SLC16A14: variants seen among roughly 807,000 people sequenced by gnomAD.
SLC16A14 encodes solute carrier family 16 member 14.
A neutral mutation model predicts 35.8 loss-of-function variants in SLC16A14; 14 were observed. The observed-to-expected ratio is 0.39, with a 90% confidence interval of 0.26 to 0.61. The LOEUF is 0.61. Ranked by LOEUF, SLC16A14 falls within the 20% of genes least tolerant of loss-of-function variation. SLC16A14 has a pLI of 0.51. For synonymous variants in SLC16A14, 248 were observed against 258.9 expected (o/e 0.96, Z 0.40); for missense variants, 533 against 655.0 (o/e 0.81, Z 2.03).
rs933177444 is a variant in SLC16A14, at chr2:230,038,258, T to C, written c.1382-727A>G. ...AGACATTCTGTAAAATACCACTATA[T>C]TTCATGAATTCTAAGACAATGATGT... On this transcript the variant is annotated intron_variant, in intron 4 of 4. Coordinates refer to ENST00000295190, the MANE Select transcript of SLC16A14 (RefSeq NM_152527.5). The surrounding 1 kb of genome is among the most constrained non-coding windows in gnomAD (Gnocchi z 4.4). Among the ~76,000 whole-genome samples the C allele has an allele frequency of 1.3e-5, 2 of 152,238 alleles. No individual in the cohort carries two copies. The highest frequency in any genetic ancestry group is 4.8e-5 in the African/African-American group (2 of 41,476).
intron 2 of SLC16A14, among the ~76,000 whole-genome samples, chr2:230,057,833 C>A (rs1186968256): frequency 6.6e-6 from 1 of 152,104 alleles, no homozygotes; most frequent in Non-Finnish European, 1.5e-5. Context: ...TTAAGACCAG[C>A]CTGGCCAACA....
At chr2:230,042,069 G>T (rs2077565003) in intron 4 of SLC16A14, among the ~76,000 whole-genome samples, 3 of 152,184 alleles carry the variant, frequency 2.0e-5, no homozygotes. Flanking sequence ...TGCAAATAAA[G>T]AAAGTCCCCT....
At chr2:230,058,221 T>G (rs1236500789) in intron 2 of SLC16A14, 5 of 151,848 alleles carry the variant, frequency 3.3e-5, no homozygotes, top group African/African-American at 9.7e-5. Context: ...ATGACAGTTT[T>G]TTTTTTTTTA....
At chr2:230,065,963 C>T (rs986231775) in intron 1 of SLC16A14, among the ~76,000 whole-genome samples, 2 of 152,098 alleles carry the variant, frequency 1.3e-5, no homozygotes, top group African/African-American at 4.8e-5. Flanking sequence ...TGACGATATG[C>T]ATGTGGCACC....
chr2:230,054,090 G>GT (rs1269134908), intron 2 of SLC16A14, among the ~76,000 whole-genome samples: 4 of 151,906 alleles, frequency 2.6e-5, no homozygotes, highest in East Asian at 3.9e-4. Flanking sequence ...CTGAGGTGGG[G>GT]GGGGAAGTTA....
At chr2:230,062,003 A>G (rs2077755716) in intron 1 of SLC16A14, among the ~76,000 whole-genome samples, 1 of 152,228 alleles carries the variant, frequency 6.6e-6, no homozygotes, top group African/African-American at 2.4e-5. Flanking sequence ...CGGCTTTCAA[A>G]GTGCTGGGAT....
At position 230,049,896 on chromosome 2, in the gene SLC16A14, T is replaced by A; in HGVS notation, c.268A>T (p.Ile90Phe). ...MGITLIVGPFIGLFINTCGCR... is the reference protein window; with the variant it reads ...MGITLIVGPFFGLFINTCGCR... Reference sequence around the variant, plus strand: ...CCACAGGTGTTAATGAACAAGCCGATGAAAGGGCCTGTCACAGAGCATTGG... The same window carrying A: ...CCACAGGTGTTAATGAACAAGCCGAAGAAAGGGCCTGTCACAGAGCATTGG... Residue 90 changes from isoleucine to phenylalanine, a missense_variant, in exon 3 of 5, where the codon ATC becomes TTC. Physicochemically the swap from Ile to Phe is conservative, Grantham distance 21. Transcript: ENST00000295190. 2 of 1,614,094 alleles carry A rather than the reference T, an allele frequency of 1.2e-6. No homozygotes were observed. Among genetic ancestry groups the A allele is most frequent in the Non-Finnish European group, 1.7e-6 (2 of 1,179,968 alleles).
In SLC16A14 at chr2:230,046,150, CA is replaced by C; in HGVS notation, c.975del (p.Phe325LeufsTer31). Reference protein sequence around the residue: ...MFVAFIFWALFAYSSFVIPFI... With the variant: ...MFVAFIFWALXAYSSFVIPFI... ...AAGGGGATGACAAAGCTGCTGTATG[CA>C]AACAAAGCCCAGAAAATAAAGGCTA... On this transcript the variant is annotated frameshift_variant, in exon 4 of 5. Transcript: ENST00000295190. LOFTEE classifies it high-confidence loss of function. The surrounding 1 kb of genome is among the most constrained non-coding windows in gnomAD (Gnocchi z 5.0). 1 of 1,613,954 alleles carries C rather than the reference CA, an allele frequency of 6.2e-7. No individual in the cohort carries two copies. The highest frequency in any genetic ancestry group is 8.5e-7 in the Non-Finnish European group (1 of 1,179,816).
At chr2:230,042,485 T>C (rs1466671975) in intron 4 of SLC16A14, among the ~76,000 whole-genome samples, 4 of 152,162 alleles carry the variant, frequency 2.6e-5, no homozygotes, top group Non-Finnish European at 4.4e-5. Flanking sequence ...CATTGAAATC[T>C]GACAGATCAA....
intron 1 of SLC16A14, among the ~76,000 whole-genome samples, chr2:230,067,878 C>A (rs1403220898): frequency 3.9e-5 from 6 of 152,162 alleles, no homozygotes; most frequent in Non-Finnish European, 8.8e-5. Context: ...GCCCTGGGTG[C>A]GGGATCGTGC....
chr2:230,045,631 G>T, intron 4 of SLC16A14, 114 bp downstream of exon 4: 1 of 1,151,702 alleles, frequency 8.7e-7, no homozygotes, highest in African/African-American at 1.5e-5. Flanking sequence ...GCAGGAATGG[G>T]AAGATAAAAG....
intron 2 of SLC16A14, chr2:230,058,335 A>C (rs1352054564): frequency 6.6e-6 from 1 of 152,124 alleles, no homozygotes; most frequent in East Asian, 1.9e-4. Context: ...AAAATGATCA[A>C]TTTTTAAAAT....
Position 230,037,513 on chromosome 2 carries a change from G to GAT in SLC16A14, c.1399_1400insAT (p.Thr467AsnfsTer17). The GAT allele has an allele frequency of 6.2e-7, 1 of 1,609,450 alleles. No individual in the cohort carries two copies. Among genetic ancestry groups the GAT allele is most frequent in the Non-Finnish European group, 8.5e-7 (1 of 1,178,680 alleles). On this transcript the variant is annotated frameshift_variant, in exon 5 of 5. Coordinates refer to ENST00000295190, the MANE Select transcript of SLC16A14 (RefSeq NM_152527.5). LOFTEE classifies it high-confidence loss of function. ...GTAGAAGGAAAAATCATATTTTTGCGTGATGTCATAGATCCACCCTACAAA... is the reference window on the plus strand; with the variant it reads ...GTAGAAGGAAAAATCATATTTTTGCGATTGATGTCATAGATCCACCCTACAAA...
In SLC16A14 at chr2:230,067,545, T is replaced by A. The variant is rs1165421173; in HGVS notation, c.-15+1010A>T. Among the ~76,000 whole-genome samples, 59 of 39,118 alleles carry A rather than the reference T, an allele frequency of 1.5e-3. 1 individual carries two copies. The highest frequency in any genetic ancestry group is 3.3e-4 in the Non-Finnish European group (5 of 15,210). 25.7% of individuals were successfully genotyped at this position (39,118 alleles called of 152,430 possible). Reference sequence around the variant, plus strand: ...CTCTCTCCCCTCTCTTCTCTCTCTCTCTCTCTCTCTCTCTCTCTCTCTCTC... The same window carrying A: ...CTCTCTCCCCTCTCTTCTCTCTCTCACTCTCTCTCTCTCTCTCTCTCTCTC... On this transcript the variant is annotated intron_variant, in intron 1 of 4. Transcript: ENST00000295190.
rs146171849 is a variant in SLC16A14, at chr2:230,045,790, T to C, written c.1336A>G (p.Ile446Val). Residue 446 changes from isoleucine to valine, a missense_variant, in exon 4 of 5, where the codon ATC becomes GTC. Coordinates refer to ENST00000295190, the MANE Select transcript of SLC16A14 (RefSeq NM_152527.5). ...EHLANAYGIIICANGISALLG... is the reference protein window; with the variant it reads ...EHLANAYGIIVCANGISALLG... ...AATGCAGAGATGCCATTAGCACAGA[T>C]GATGATGCCGTAGGCATTGGCCAGG... The C allele has an allele frequency of 3.7e-5, 59 of 1,614,070 alleles. 1 individual carries two copies. Among genetic ancestry groups the C allele is most frequent in the Non-Finnish European group, 4.2e-5 (49 of 1,180,058 alleles).
At position 230,049,821 on chromosome 2, in the gene SLC16A14, C is replaced by A. The variant is rs373977794; in HGVS notation, c.343G>T (p.Val115Leu). Residue 115 changes from valine (V) to leucine (L), a missense_variant, in exon 3 of 5, where the codon GTG becomes TTG. Coordinates refer to ENST00000295190, the MANE Select transcript of SLC16A14 (RefSeq NM_152527.5). ...IGGLVNSLGW[V>L]LSAYAANVHY... ...ACGTTTGCAGCATAGGCACTCAACA[C>A]CCAGCCCAGGGAGTTGACGAGCCCT... 4 of 1,614,088 alleles carry A rather than the reference C, an allele frequency of 2.5e-6. No homozygotes were observed. The African/African-American group carries it at 5.3e-5, about 22-fold the overall frequency.
intron 2 of SLC16A14, among the ~76,000 whole-genome samples, chr2:230,050,481 T>G (rs1249883874): frequency 6.6e-6 from 1 of 152,132 alleles, no homozygotes; most frequent in African/African-American, 2.4e-5. Flanking sequence ...TTGACTAAAA[T>G]AGAAATATTA....
Position 230,046,736 on chromosome 2 carries a change from C to T in SLC16A14, c.404-14G>A, listed in dbSNP as rs1050254434. The stretch of plus-strand genomic sequence containing the variant: ...CGCTGCCCAGGCCTGTACAGGCCGA[C>T]GGGGGGAAGAAAAGACACAGTGCAA... On this transcript the variant is annotated splice_polypyrimidine_tract_variant and intron_variant, in intron 3 of 4. Coordinates refer to ENST00000295190, the MANE Select transcript of SLC16A14 (RefSeq NM_152527.5). The surrounding 1 kb of genome is among the most constrained non-coding windows in gnomAD (Gnocchi z 5.0). 3.8e-6 allele frequency: 6 copies of T among 1,570,808 alleles called. No homozygotes were observed. Among genetic ancestry groups the T allele is most frequent in the Non-Finnish European group, 5.2e-6 (6 of 1,163,234 alleles).
Position 230,046,345 on chromosome 2 carries a change from C to A in SLC16A14, c.781G>T (p.Asp261Tyr), listed in dbSNP as rs267599249. ...TCGGGGCACTCCTGGGCTTGCAGGT[C>A]GCAGAGGGTCTCCTCGTTCCCGAGC... ...GGLGNEETLCDLQAQECPDQA... is the reference protein window; with the variant it reads ...GGLGNEETLCYLQAQECPDQA... Residue 261 changes from aspartate to tyrosine, a missense_variant, in exon 4 of 5, where the codon GAC (aspartate) becomes TAC (tyrosine). Transcript: ENST00000295190. The surrounding 1 kb of genome is among the most constrained non-coding windows in gnomAD (Gnocchi z 5.0). 3 of 1,614,154 alleles carry A rather than the reference C, an allele frequency of 1.9e-6. No individual in the cohort carries two copies. The highest frequency in any genetic ancestry group is 2.5e-6 in the Non-Finnish European group (3 of 1,180,016).
Sources: gnomAD v4.1 joint callset for allele counts (sites outside exome capture counted in the v4.1 genomes callset) on GRCh38, gnomAD v4.1.1 for gene constraint, Gnocchi (gnomAD v3.1) non-coding constraint, MANE v1.5 for transcripts, NCBI Gene and HGNC (gene_info 2026-07-23, HGNC 2026-07-21) for gene names.